Variants in RCOR3 observed in about 807,000 individuals in gnomAD.
RCOR3 encodes the protein REST corepressor 3.
In RCOR3, 13 loss-of-function variants were observed where a neutral mutation model predicts 64.1. The observed-to-expected ratio is 0.20, with a 90% CI of 0.13 to 0.32. The LOEUF is 0.32. RCOR3 is among the 10% of genes least tolerant of loss of function. The pLI, the probability that RCOR3 is intolerant of heterozygous loss-of-function variation, is 1.00. For missense variants in RCOR3, 489 were observed against 701.2 expected (o/e 0.70, Z 3.42); for synonymous variants, 215 against 239.0 (o/e 0.90, Z 0.93).
intron 7 of RCOR3, among the ~76,000 whole-genome samples, chr1:211,280,326 C>A (rs1027492927): frequency 6.6e-6 from 1 of 152,144 alleles, no homozygotes; most frequent in South Asian, 2.1e-4. Context: ...GCCTTTCCAC[C>A]GTGGTATATT....
At chr1:211,260,574 C>G (rs1694076788) in intron 2 of RCOR3, among the ~76,000 whole-genome samples, 2 of 152,248 alleles carry the variant, frequency 1.3e-5, no homozygotes, top group Non-Finnish European at 2.9e-5. Context: ...GGGCCGCGCT[C>G]TGTCGGGCGG....
chr1:211,260,205 C>T (rs373524667), intron 2 of RCOR3, 41 bp downstream of exon 2: 326 of 1,594,386 alleles, frequency 2.0e-4, no homozygotes, highest in Non-Finnish European at 2.6e-4. Flanking sequence ...ATCCCCTTTC[C>T]TGGGCTTGGT....
intron 7 of RCOR3, 38 bp downstream of exon 7, chr1:211,279,354 C>T (rs1032584906): frequency 1.4e-6 from 2 of 1,434,600 alleles, no homozygotes; most frequent in African/African-American, 1.4e-5. Context: ...GATTGTTCTA[C>T]AAATCTGCTG....
chr1:211,275,707 A>G (rs987517834), intron 4 of RCOR3, among the ~76,000 whole-genome samples: 2 of 152,184 alleles, frequency 1.3e-5, no homozygotes, highest in African/African-American at 4.8e-5. Flanking sequence ...TTCTATTTAT[A>G]TGTTCTGATA....
intron 3 of RCOR3, among the ~76,000 whole-genome samples, chr1:211,273,568 C>A (rs927558289): frequency 1.3e-5 from 2 of 152,182 alleles, no homozygotes; most frequent in African/African-American, 4.8e-5. Flanking sequence ...AGCAATGAGG[C>A]CTTGAAATAA....
At chr1:211,308,687 T>TG (rs1310939396) in intron 10 of RCOR3, among the ~76,000 whole-genome samples, 2,946 of 64,598 alleles carry the variant, frequency 0.046, 114 homozygotes, top group East Asian at 0.3. Context: ...TTTTTTTGTT[T>TG]TTTTTTTTTT....
chr1:211,289,443 A>G (rs758399387), intron 8 of RCOR3, 47 bp downstream of exon 8: 28 of 1,468,918 alleles, frequency 1.9e-5, no homozygotes, highest in Admixed American at 5.8e-5. Flanking sequence ...CATTTTGGCT[A>G]TCCGCTTTTA....
chr1:211,296,209 GATTT>G (rs1039643916), intron 9 of RCOR3, among the ~76,000 whole-genome samples: 1 of 152,040 alleles, frequency 6.6e-6, no homozygotes, highest in Non-Finnish European at 1.5e-5. Context: ...TTCCACTTAT[GATTT>G]TAGTATGTGG....
At chr1:211,288,700 A>T (rs2102567566) in intron 7 of RCOR3, among the ~76,000 whole-genome samples, 1 of 151,830 alleles carries the variant, frequency 6.6e-6, no homozygotes, top group Admixed American at 6.6e-5. Flanking sequence ...TTCTTTCAGC[A>T]ACTGTAAAGT....
At chr1:211,292,448 C>T (rs1699357655) in intron 8 of RCOR3, among the ~76,000 whole-genome samples, 1 of 152,174 alleles carries the variant, frequency 6.6e-6, no homozygotes, top group Non-Finnish European at 1.5e-5. Context: ...CACCTGTATT[C>T]ATACTTCATT....
chr1:211,290,490 A>G (rs1049288516), intron 8 of RCOR3, among the ~76,000 whole-genome samples: 5 of 152,164 alleles, frequency 3.3e-5, no homozygotes, highest in East Asian at 1.9e-4. Flanking sequence ...GGCTCTTGCT[A>G]TCGCTTGCCT....
intron 2 of RCOR3, 55 bp downstream of exon 2, chr1:211,260,219 G>GCAA: frequency 6.4e-7 from 1 of 1,556,290 alleles, no homozygotes; most frequent in Non-Finnish European, 8.9e-7. Context: ...GCTTGGTTTG[G>GCAA]GGTGGACGGG....
At chr1:211,266,537 A>T (rs544933518) in intron 2 of RCOR3, among the ~76,000 whole-genome samples, 3 of 152,290 alleles carry the variant, frequency 2.0e-5, no homozygotes, top group African/African-American at 7.2e-5. Flanking sequence ...ACGCTACTAT[A>T]GTCTTTTAAA....
chr1:211,291,634 G>A (rs1699253824), intron 8 of RCOR3: 2 of 450,150 alleles, frequency 4.4e-6, no homozygotes, highest in Non-Finnish European at 4.4e-6. Flanking sequence ...GTGGGATCAA[G>A]ATTCTCTATC....
chr1:211,293,363 C>G (rs1223994610), intron 8 of RCOR3, among the ~76,000 whole-genome samples: 1 of 152,120 alleles, frequency 6.6e-6, no homozygotes, highest in East Asian at 1.9e-4. Context: ...TTCCTTCAAT[C>G]TTTAGGCAAA....
At chr1:211,267,268 G>C (rs1167814970) in intron 2 of RCOR3, among the ~76,000 whole-genome samples, 1 of 152,168 alleles carries the variant, frequency 6.6e-6, no homozygotes, top group Non-Finnish European at 1.5e-5. Flanking sequence ...AAGTAGCAGA[G>C]CTGGTATTCA....
chr1:211,315,182 G>C lies in RCOR3; in HGVS notation c.*1414G>C, dbSNP rs1372564333. On this transcript the variant is annotated 3_prime_UTR_variant, in exon 12 of 12. Coordinates refer to ENST00000419091, the MANE Select transcript of RCOR3 (RefSeq NM_001136223.3). ...ACAGATCACTTAGATTGCTATACTA[G>C]TGGACATAGGCTACATGTTTGCACA... is the stretch of plus-strand genomic sequence containing the variant. 1.3e-5 allele frequency: 2 copies of C among 152,188 alleles called. No homozygotes were observed. Among genetic ancestry groups the C allele is most frequent in the African/African-American group, 4.8e-5 (2 of 41,460 alleles). 9.4% of individuals were successfully genotyped at this position (152,188 alleles called of 1,614,324 possible). A position where few individuals can be genotyped will look rare whatever the true frequency, so the allele number is the denominator to read the frequency against.
intron 6 of RCOR3, among the ~76,000 whole-genome samples, chr1:211,278,907 G>T (rs1697380776): frequency 6.6e-6 from 1 of 152,160 alleles, no homozygotes; most frequent in South Asian, 2.1e-4. Context: ...GAAGGGAATT[G>T]GTTGGGCACA....
intron 9 of RCOR3, chr1:211,303,841 T>C (rs1482133814): frequency 1.5e-5 from 5 of 324,808 alleles, no homozygotes; most frequent in Non-Finnish European, 2.8e-5. Context: ...TATCTCTAAT[T>C]AGAGCATAAA....
Sources: gnomAD v4.1 joint callset for allele counts (sites outside exome capture counted in the v4.1 genomes callset) on GRCh38, gnomAD v4.1.1 for gene constraint, MANE v1.5 for transcripts, NCBI Gene and HGNC (gene_info 2026-07-23, HGNC 2026-07-21) for gene names.